The following SRPK1 variants were observed in gnomAD, a reference collection of about 807,000 sequenced individuals.
The protein encoded by SRPK1 is SRSF protein kinase 1.
SRPK1 carries 52 observed loss-of-function variants against 89.5 expected under a neutral mutation model. The ratio of observed to expected loss-of-function variants is 0.58; its 90% CI spans 0.46 to 0.73. SRPK1 has a LOEUF of 0.73. SRPK1 is among the 30% of genes least tolerant of loss of function. The probability of loss-of-function intolerance (pLI) is 0.00; values close to 1 mark genes in which losing one functional copy is unlikely to be tolerated. For missense variants in SRPK1, 603 were observed against 780.6 expected, an observed-to-expected ratio of 0.77 and a Z score of 2.71; for synonymous variants, 255 against 270.2, an observed-to-expected ratio of 0.94 and a Z score of 0.55.
At chr6:35,905,740 G>A (rs1189617287) in intron 2 of SRPK1, among the ~76,000 whole-genome samples, 1 of 152,148 alleles carries the variant, frequency 6.6e-6, no homozygotes, top group Admixed American at 6.5e-5. Context: ...TATATTGTAG[G>A]AAAAAGAAAA....
chr6:35,899,668 G>A (rs557242377), intron 2 of SRPK1, among the ~76,000 whole-genome samples: 10 of 152,296 alleles, frequency 6.6e-5, no homozygotes, highest in South Asian at 2.1e-4. Context: ...AGAAGGAAGT[G>A]CAGCCATTAG....
chr6:35,870,142 A>G, intron 10 of SRPK1, 139 bp downstream of exon 10: 1 of 870,878 alleles, frequency 1.1e-6, no homozygotes. Flanking sequence ...TACCTGCCTA[A>G]CATTTATGAC....
chr6:35,918,992 T>G (rs1483050167), intron 2 of SRPK1, among the ~76,000 whole-genome samples: 1 of 152,212 alleles, frequency 6.6e-6, no homozygotes, highest in Non-Finnish European at 1.5e-5. Context: ...GCAACTTCCT[T>G]GTATCAATAG....
At chr6:35,886,009 C>A (rs558842531) in intron 6 of SRPK1, among the ~76,000 whole-genome samples, 3 of 151,950 alleles carry the variant, frequency 2.0e-5, no homozygotes, top group Non-Finnish European at 4.4e-5. Flanking sequence ...ACAATCATAC[C>A]TTAAATTGTT....
intron 2 of SRPK1, among the ~76,000 whole-genome samples, chr6:35,899,741 C>T (rs1046620253): frequency 1.3e-5 from 2 of 152,098 alleles, no homozygotes; most frequent in Non-Finnish European, 2.9e-5. Context: ...GTGGCTCATG[C>T]CTGTAATCCC....
At chr6:35,898,019 T>C (rs752619009) in intron 2 of SRPK1, among the ~76,000 whole-genome samples, 1 of 152,224 alleles carries the variant, frequency 6.6e-6, no homozygotes, top group African/African-American at 2.4e-5. Flanking sequence ...GATCAATACA[T>C]TGCATTATGA....
Position 35,890,950 on chromosome 6 carries a change from C to A in SRPK1, c.138G>T (p.Glu46Asp). ...CATCATCATCAGATCCCAGAATCTC[C>A]TCTTCCTGCTCTGGTAGATCACTCT... Reference protein sequence around the residue: ...HSESDLPEQEEEILGSDDDEQ... With the variant: ...HSESDLPEQEDEILGSDDDEQ... Residue 46 changes from glutamate (E) to aspartate (D), a missense_variant, in exon 3 of 16, where the codon GAG becomes GAT. Transcript: ENST00000373825. 6.4e-7 allele frequency: 1 copy of A among 1,554,414 alleles called. No homozygotes were observed. Among genetic ancestry groups the A allele is most frequent in the East Asian group, 2.4e-5 (1 of 41,496 alleles).
intron 2 of SRPK1, among the ~76,000 whole-genome samples, chr6:35,905,737 T>C (rs141927447): frequency 1.3e-5 from 2 of 152,278 alleles, no homozygotes; most frequent in Non-Finnish European, 2.9e-5. Flanking sequence ...GTATATATTG[T>C]AGGAAAAAGA....
chr6:35,911,135 G>GA (rs1324793416), intron 2 of SRPK1, among the ~76,000 whole-genome samples: 4 of 152,186 alleles, frequency 2.6e-5, no homozygotes, highest in Non-Finnish European at 4.4e-5. Context: ...ATGGGTCTGG[G>GA]AAAAATCTAT....
At chr6:35,836,774 A>ATAC (rs1769188537) in intron 15 of SRPK1, among the ~76,000 whole-genome samples, 1 of 149,744 alleles carries the variant, frequency 6.7e-6, no homozygotes, top group Non-Finnish European at 1.5e-5. Flanking sequence ...AATAATAATA[A>ATAC]TAATAATAAT....
At chr6:35,894,368 A>C (rs1395229392) in intron 2 of SRPK1, among the ~76,000 whole-genome samples, 1 of 152,196 alleles carries the variant, frequency 6.6e-6, no homozygotes, top group Non-Finnish European at 1.5e-5. Flanking sequence ...AGGGGGGAAA[A>C]ATGCCCACTT....
At chr6:35,846,971 C>G (rs1769439968) in intron 13 of SRPK1, among the ~76,000 whole-genome samples, 1 of 152,130 alleles carries the variant, frequency 6.6e-6, no homozygotes, top group Non-Finnish European at 1.5e-5. Context: ...GATAAAAATG[C>G]TCACACAATT....
At chr6:35,892,766 C>A (rs1488487942) in intron 2 of SRPK1, among the ~76,000 whole-genome samples, 1 of 152,098 alleles carries the variant, frequency 6.6e-6, no homozygotes, top group Non-Finnish European at 1.5e-5. Flanking sequence ...GAAAATACAT[C>A]TTAATTTTAA....
intron 2 of SRPK1, among the ~76,000 whole-genome samples, chr6:35,910,317 G>A (rs1228455782): frequency 6.6e-6 from 1 of 152,174 alleles, no homozygotes; most frequent in African/African-American, 2.4e-5. Flanking sequence ...GAAAGTTTTA[G>A]TGGTCTGAAT....
intron 2 of SRPK1, among the ~76,000 whole-genome samples, chr6:35,918,438 T>TAGG (rs1237878490): frequency 6.6e-6 from 1 of 151,664 alleles, no homozygotes; most frequent in African/African-American, 2.4e-5. Context: ...TAGGTGGAGG[T>TAGG]TGCAGTGAGC....
At chr6:35,850,240 A>G (rs1769524557) in intron 13 of SRPK1, among the ~76,000 whole-genome samples, 2 of 152,086 alleles carry the variant, frequency 1.3e-5, no homozygotes. Flanking sequence ...TGGCTTTGAA[A>G]CTCATTTCAA....
At chr6:35,839,877 A>G in intron 14 of SRPK1, among the ~76,000 whole-genome samples, 1 of 151,822 alleles carries the variant, frequency 6.6e-6, no homozygotes. Flanking sequence ...ACAGGGTTTC[A>G]CATGTTGGCC....
intron 13 of SRPK1, among the ~76,000 whole-genome samples, chr6:35,855,052 A>C (rs2151083549): frequency 6.6e-6 from 1 of 152,326 alleles, no homozygotes; most frequent in East Asian, 1.9e-4. Flanking sequence ...CTGTAATCCC[A>C]GCACTTTGGG....
chr6:35,891,726 T>C (rs1770522616), intron 2 of SRPK1, among the ~76,000 whole-genome samples: 1 of 124,980 alleles, frequency 8.0e-6, no homozygotes, highest in Non-Finnish European at 1.6e-5. Flanking sequence ...AAACTCTGTC[T>C]CAAAAAAAAA....
Sources: gnomAD v4.1 joint callset for allele counts (sites outside exome capture counted in the v4.1 genomes callset) on GRCh38, gnomAD v4.1.1 for gene constraint, MANE v1.5 for transcripts, NCBI Gene and HGNC (gene_info 2026-07-23, HGNC 2026-07-21) for gene names.